DLG2: variants seen among roughly 807,000 people sequenced by gnomAD.
DLG2 encodes discs large MAGUK scaffold protein 2, also known as disks large homolog 2.
DLG2 carries 45 observed loss-of-function variants against 132.5 expected under a neutral mutation model. The observed-to-expected ratio is 0.34, with a 90% CI of 0.27 to 0.44. The LOEUF (loss-of-function observed/expected upper bound fraction) is 0.44, where lower values mean the gene tolerates loss of function less well. DLG2 is among the 20% of genes least tolerant of loss of function. DLG2 has a pLI of 1.00. For missense variants in DLG2, 1,045 were observed against 1,196.9 expected (o/e 0.87, Z 1.87); for synonymous variants, 424 against 419.6 (o/e 1.01, Z -0.13).
intron 6 of DLG2, among the ~76,000 whole-genome samples, chr11:84,820,510 A>G (rs1398317282): frequency 1.3e-5 from 2 of 151,856 alleles, no homozygotes; most frequent in Admixed American, 1.3e-4. Flanking sequence ...CTCACAGACA[A>G]TGCTTTACAC....
chr11:84,736,804 T>C (rs2063892042), intron 6 of DLG2, among the ~76,000 whole-genome samples: 1 of 152,000 alleles, frequency 6.6e-6, no homozygotes, highest in African/African-American at 2.4e-5. Flanking sequence ...CTATCAGATA[T>C]GACATGTCAT....
chr11:84,969,953 T>A (rs1342363229), intron 6 of DLG2, among the ~76,000 whole-genome samples: 1 of 151,894 alleles, frequency 6.6e-6, no homozygotes, highest in Non-Finnish European at 1.5e-5. Flanking sequence ...CACTCGTAAG[T>A]GGGAGTTGAA....
At chr11:84,255,961 A>C (rs1160920501) in intron 7 of DLG2, among the ~76,000 whole-genome samples, 1 of 152,032 alleles carries the variant, frequency 6.6e-6, no homozygotes, top group South Asian at 2.1e-4. Context: ...GGACTAGTAC[A>C]GCTAATTACA....
intron 10 of DLG2, among the ~76,000 whole-genome samples, chr11:84,074,535 T>A (rs2096798346): frequency 6.6e-6 from 1 of 151,404 alleles, no homozygotes; most frequent in South Asian, 2.1e-4. Flanking sequence ...TCTAATTTTT[T>A]TTTTTTTTTT....
At chr11:83,720,326 A>AAAAAAAAAAAAAAAT (rs1593067642) in intron 18 of DLG2, among the ~76,000 whole-genome samples, 1 of 138,636 alleles carries the variant, frequency 7.2e-6, no homozygotes, top group Non-Finnish European at 1.5e-5. Context: ...AAAAAAAAAA[A>AAAAAAAAAAAAAAAT]GAATGACATT....
At chr11:84,119,635 A>G (rs151018133) in intron 9 of DLG2, among the ~76,000 whole-genome samples, 2 of 152,184 alleles carry the variant, frequency 1.3e-5, no homozygotes, top group African/African-American at 4.8e-5. Flanking sequence ...TTATTTTTTG[A>G]TGTGCCCCAT....
rs889993100 is a variant in DLG2 at position 84,842,810 on chromosome 11, G to A, written c.357+268851C>T. Among the ~76,000 whole-genome samples the A allele has an allele frequency of 4.6e-5, 7 of 151,846 alleles. No individual in the cohort carries two copies. The South Asian group carries it at 1.4e-3, about 31-fold the overall frequency. On this transcript the variant is annotated intron_variant, in intron 6 of 27. Transcript: ENST00000376104. Reference sequence around the variant, plus strand: ...GACAGATATTTGTGTGTGTGTGCATGCATGTGTGGATGCACACATATATGT... The same window carrying A: ...GACAGATATTTGTGTGTGTGTGCATACATGTGTGGATGCACACATATATGT...
At chr11:84,906,239 G>GTTT (rs113738126) in intron 6 of DLG2, among the ~76,000 whole-genome samples, 3 of 131,584 alleles carry the variant, frequency 2.3e-5, no homozygotes, top group Non-Finnish European at 4.9e-5. Flanking sequence ...TGGTTTTTTT[G>GTTT]TTTTTTTTTT....
intron 6 of DLG2, among the ~76,000 whole-genome samples, chr11:84,841,070 C>T (rs900745639): frequency 6.6e-6 from 1 of 150,574 alleles, no homozygotes; most frequent in East Asian, 2.0e-4. Context: ...CCACACTATG[C>T]AGCAATAAAA....
chr11:84,256,613 AG>A (rs1240351392), intron 7 of DLG2, among the ~76,000 whole-genome samples: 2 of 152,248 alleles, frequency 1.3e-5, no homozygotes, highest in Non-Finnish European at 2.9e-5. Flanking sequence ...AAATAGTGCA[AG>A]AATAACATAT....
intron 7 of DLG2, among the ~76,000 whole-genome samples, chr11:84,457,997 C>T (rs1241607758): frequency 6.6e-6 from 1 of 150,678 alleles, no homozygotes; most frequent in Non-Finnish European, 1.5e-5. Flanking sequence ...ATCTGCAAGC[C>T]TGTTATCTAC....
At chr11:83,651,965 C>G in intron 18 of DLG2, 3 of 455,280 alleles carry the variant, frequency 6.6e-6, no homozygotes, top group Non-Finnish European at 1.4e-5. Flanking sequence ...CACCTGAAAT[C>G]TACACACTTA....
chr11:83,884,121 G>A (rs1477510398), intron 15 of DLG2, among the ~76,000 whole-genome samples: 3 of 152,184 alleles, frequency 2.0e-5, no homozygotes, highest in East Asian at 1.9e-4. Context: ...CACCATGCGC[G>A]AGCCGAAGCA....
chr11:84,557,783 T>C (rs895502028), intron 6 of DLG2, among the ~76,000 whole-genome samples: 1 of 152,130 alleles, frequency 6.6e-6, no homozygotes, highest in African/African-American at 2.4e-5. Flanking sequence ...TGTAAAACTC[T>C]TGTTAGAACA....
chr11:85,270,748 A>T (rs1164479083), intron 4 of DLG2, among the ~76,000 whole-genome samples: 1 of 152,204 alleles, frequency 6.6e-6, no homozygotes, highest in Non-Finnish European at 1.5e-5. Context: ...TTTAGCAAAG[A>T]GACTGGCAGC....
intron 11 of DLG2, among the ~76,000 whole-genome samples, chr11:83,989,959 A>G (rs1204314219): frequency 1.3e-5 from 2 of 152,178 alleles, no homozygotes; most frequent in Non-Finnish European, 2.9e-5. Flanking sequence ...ATAGCTCTGG[A>G]CCATCACATG....
intron 10 of DLG2, among the ~76,000 whole-genome samples, chr11:84,081,812 A>C (rs2154155960): frequency 6.6e-6 from 1 of 152,330 alleles, no homozygotes; most frequent in African/African-American, 2.4e-5. Context: ...AGCATGATTT[A>C]TAATCCTTTG....
intron 3 of DLG2, among the ~76,000 whole-genome samples, chr11:85,352,997 T>C (rs2152884558): frequency 6.6e-6 from 1 of 152,144 alleles, no homozygotes; most frequent in South Asian, 2.1e-4. Flanking sequence ...GGGATCTAAT[T>C]AAACTAAAGA....
intron 7 of DLG2, among the ~76,000 whole-genome samples, chr11:84,502,824 A>T (rs1432803674): frequency 6.6e-6 from 1 of 152,186 alleles, no homozygotes. Context: ...AGAAGTAGGC[A>T]AATATGCAAG....
Sources: gnomAD v4.1 joint callset for allele counts (sites outside exome capture counted in the v4.1 genomes callset) on GRCh38, gnomAD v4.1.1 for gene constraint, MANE v1.5 for transcripts, NCBI Gene and HGNC (gene_info 2026-07-23, HGNC 2026-07-21) for gene names.